CHLSN: variants seen among roughly 807,000 people sequenced by gnomAD.
CHLSN encodes the protein protein cholesin.
chr7:1,070,628 A>G, the CHLSN span, among the ~76,000 whole-genome samples: 3 of 122,222 alleles, frequency 2.5e-5, no homozygotes, highest in Non-Finnish European at 5.3e-5. Context: ...ACACGCACAC[A>G]ACACGCACAC....
chr7:1,094,966 G>A, the CHLSN span, among the ~76,000 whole-genome samples: 5 of 152,286 alleles, frequency 3.3e-5, no homozygotes, highest in East Asian at 5.8e-4. Flanking sequence ...GGAACAGGGC[G>A]GCTCCCACAC....
the CHLSN span, chr7:1,081,798 T>G: frequency 6.6e-6 from 1 of 151,576 alleles, no homozygotes; most frequent in Non-Finnish European, 1.5e-5. Context: ...CCCATGGCTT[T>G]CTTCTGCCTG....
chr7:1,011,063 C>T, the CHLSN span, among the ~76,000 whole-genome samples: 9 of 150,170 alleles, frequency 6.0e-5, no homozygotes, highest in African/African-American at 2.2e-4. Context: ...TATATGCAAC[C>T]CACCCCCCCG....
chr7:1,025,135 G>A, the CHLSN span: 8 of 152,366 alleles, frequency 5.3e-5, no homozygotes, highest in African/African-American at 1.9e-4. Context: ...GGCAGGTTGG[G>A]ATCCGCTGCT....
At chr7:1,028,589 G>C in the CHLSN span, 4 of 984,882 alleles carry the variant, frequency 4.1e-6, no homozygotes, top group Non-Finnish European at 4.8e-6. Context: ...GAACTGCGGG[G>C]AGGGCGCACC....
the CHLSN span, among the ~76,000 whole-genome samples, chr7:1,115,447 G>A: frequency 1.3e-5 from 2 of 152,168 alleles, no homozygotes; most frequent in East Asian, 1.9e-4. Context: ...CAGGTCAGAC[G>A]CCATCCACCC....
the CHLSN span, chr7:989,443 A>G: frequency 6.6e-6 from 1 of 152,156 alleles, no homozygotes; most frequent in Non-Finnish European, 1.5e-5. Flanking sequence ...GGGCGGGGGG[A>G]GGGCACCTCA....
At chr7:1,093,436 A>G in the CHLSN span, 4 of 463,696 alleles carry the variant, frequency 8.6e-6, no homozygotes, top group Non-Finnish European at 1.8e-5. Context: ...AGCGTCCTCC[A>G]TCTTCCAGGA....
chr7:1,021,410 G>A, the CHLSN span: 1 of 985,492 alleles, frequency 1.0e-6, no homozygotes, highest in Non-Finnish European at 1.2e-6. Context: ...AGAGTCGGAA[G>A]CTGAAGGGCT....
At chr7:1,061,687 C>G in the CHLSN span, among the ~76,000 whole-genome samples, 1,809 of 152,278 alleles carry the variant, frequency 0.012, 26 homozygotes, top group African/African-American at 0.041. Flanking sequence ...AGAACTTGAG[C>G]CACTCGGGGC....
the CHLSN span, among the ~76,000 whole-genome samples, chr7:1,122,438 G>C: frequency 6.6e-6 from 1 of 152,230 alleles, no homozygotes; most frequent in African/African-American, 2.4e-5. Context: ...TCTGCATGGG[G>C]TGGTCACGCG....
At chr7:995,682 G>T in the CHLSN span, among the ~76,000 whole-genome samples, 1 of 152,278 alleles carries the variant, frequency 6.6e-6, no homozygotes, top group Non-Finnish European at 1.5e-5. Flanking sequence ...CCAGCAGCCG[G>T]ATCGCAGGCA....
the CHLSN span, among the ~76,000 whole-genome samples, chr7:1,009,060 C>T: frequency 2.0e-5 from 3 of 152,298 alleles, no homozygotes; most frequent in South Asian, 2.1e-4. Flanking sequence ...TACACGTGCA[C>T]GTGCACGCAG....
At chr7:1,019,211 A>AAG in the CHLSN span, among the ~76,000 whole-genome samples, 46 of 43,676 alleles carry the variant, frequency 1.1e-3, 3 homozygotes, top group African/African-American at 2.1e-3. Flanking sequence ...AAAAAAAAAA[A>AAG]CGGGGGGGGG....
chr7:1,064,956 C>T, the CHLSN span, among the ~76,000 whole-genome samples: 2 of 152,372 alleles, frequency 1.3e-5, no homozygotes, highest in South Asian at 2.1e-4. Context: ...GTGCCACACA[C>T]ACTAAGGCTT....
At chr7:1,098,559 G>A in the CHLSN span, among the ~76,000 whole-genome samples, 19 of 150,304 alleles carry the variant, frequency 1.3e-4, no homozygotes, top group Non-Finnish European at 3.0e-5. Context: ...CGCCACGCTC[G>A]GTGAGATAAA....
the CHLSN span, chr7:1,109,453 G>C: frequency 1.3e-5 from 2 of 152,214 alleles, no homozygotes; most frequent in Admixed American, 6.5e-5. Flanking sequence ...CCCCATTCCT[G>C]CGTGGTTCCT....
At chr7:985,383 A>G in the CHLSN span, 690 of 1,520,842 alleles carry the variant, frequency 4.5e-4, 4 homozygotes, top group African/African-American at 8.6e-3. Flanking sequence ...GGCGTGCAGC[A>G]GGAGGACGGG....
At chr7:1,059,526 C>CGGGTCTTAGTGAGGG in the CHLSN span, among the ~76,000 whole-genome samples, 1 of 133,406 alleles carries the variant, frequency 7.5e-6, no homozygotes, top group Non-Finnish European at 1.6e-5. Context: ...TGTAGTGAGG[C>CGGGTCTTAGTGAGGG]GGGTCTTAGT....
Sources: allele counts gnomAD v4.1 joint callset (sites outside exome capture counted in the v4.1 genomes callset), GRCh38; gene constraint gnomAD v4.1.1; transcripts MANE v1.5; gene names NCBI Gene and HGNC (gene_info 2026-07-23, HGNC 2026-07-21).